The following BMP5 variants were observed in gnomAD, a reference collection of about 807,000 sequenced individuals.
BMP5 encodes the protein bone morphogenetic protein 5.
In BMP5, 23 loss-of-function variants were observed where a neutral mutation model predicts 46.6. The ratio of observed to expected loss-of-function variants is 0.49; its 90% CI spans 0.35 to 0.70. The LOEUF (loss-of-function observed/expected upper bound fraction) is 0.70, where lower values mean the gene tolerates loss of function less well. Ranked by LOEUF, BMP5 falls within the 30% of genes least tolerant of loss-of-function variation. BMP5 has a pLI of 0.00. For missense variants in BMP5, 545 were observed against 565.6 expected, an observed-to-expected ratio of 0.96 and a Z score of 0.37; for synonymous variants, 204 against 191.9, an observed-to-expected ratio of 1.06 and a Z score of -0.52.
intron 3 of BMP5, among the ~76,000 whole-genome samples, chr6:55,790,701 T>C (rs959718764): frequency 1.3e-5 from 2 of 152,184 alleles, no homozygotes; most frequent in African/African-American, 4.8e-5. Context: ...TGAATTATCC[T>C]GCCCTCACCA....
chr6:55,817,157 G>A (rs1313792013), intron 2 of BMP5, among the ~76,000 whole-genome samples: 6 of 152,196 alleles, frequency 3.9e-5, no homozygotes, highest in African/African-American at 9.6e-5. Flanking sequence ...TGGTGGGACT[G>A]TAAACTAGTT....
At chr6:55,800,542 G>T (rs1775823329) in intron 2 of BMP5, among the ~76,000 whole-genome samples, 1 of 152,096 alleles carries the variant, frequency 6.6e-6, no homozygotes, top group Non-Finnish European at 1.5e-5. Context: ...GATATATAAG[G>T]GATGTGAACA....
chr6:55,819,982 A>G, intron 1 of BMP5, 135 bp from the exon 2 acceptor site: 1 of 765,488 alleles, frequency 1.3e-6, no homozygotes, highest in Non-Finnish European at 2.1e-6. Context: ...CTAAAACCAC[A>G]AACTGAAACG....
At chr6:55,815,363 G>T (rs1776234357) in intron 2 of BMP5, among the ~76,000 whole-genome samples, 1 of 152,044 alleles carries the variant, frequency 6.6e-6, no homozygotes, top group Non-Finnish European at 1.5e-5. Flanking sequence ...AATTAAGATT[G>T]AATTGAATTT....
At chr6:55,767,128 G>A (rs931083669) in intron 4 of BMP5, among the ~76,000 whole-genome samples, 109 of 151,988 alleles carry the variant, frequency 7.2e-4, no homozygotes, top group African/African-American at 2.5e-3. Flanking sequence ...ATGTCTATTG[G>A]CAAGTCTTTT....
chr6:55,800,287 G>A (rs1438934094), intron 2 of BMP5, among the ~76,000 whole-genome samples: 1 of 152,174 alleles, frequency 6.6e-6, no homozygotes, highest in Non-Finnish European at 1.5e-5. Context: ...TGTTTTGAGA[G>A]TGAAACAAGG....
At chr6:55,801,467 T>A (rs1775847836) in intron 2 of BMP5, among the ~76,000 whole-genome samples, 3 of 152,232 alleles carry the variant, frequency 2.0e-5, no homozygotes. Context: ...TTTGTCCTCA[T>A]GGGTTCCAGA....
rs374089099 is a variant in BMP5 at position 55,847,203 on chromosome 6, A to G, written c.490+27173T>C. Among the ~76,000 whole-genome samples, 9 of 152,088 alleles carry G rather than the reference A, an allele frequency of 5.9e-5. No individual in the cohort carries two copies. In the East Asian group the frequency reaches 1.5e-3, roughly 26 times the overall value. ...CTGAAATTCAAAGTCATTGCATTCC[A>G]TAATACATTAAAGCCCCTGTGGTCA... is the stretch of plus-strand genomic sequence containing the variant. On this transcript the variant is annotated intron_variant, in intron 1 of 6. Coordinates refer to ENST00000370830, the MANE Select transcript of BMP5 (RefSeq NM_021073.4).
intron 1 of BMP5, among the ~76,000 whole-genome samples, chr6:55,861,385 A>C (rs1399957543): frequency 6.6e-6 from 1 of 152,176 alleles, no homozygotes; most frequent in Non-Finnish European, 1.5e-5. Flanking sequence ...TCCAATCTCC[A>C]ACCCTTCTTT....
intron 4 of BMP5, among the ~76,000 whole-genome samples, chr6:55,763,377 T>C (rs1774832815): frequency 6.6e-6 from 1 of 152,122 alleles, no homozygotes; most frequent in African/African-American, 2.4e-5. Flanking sequence ...TAACAAGCAA[T>C]GAAATGTATA....
At chr6:55,760,641 T>C (rs1017827549) in intron 4 of BMP5, 108 bp from the exon 5 acceptor site, 1 of 955,028 alleles carries the variant, frequency 1.0e-6, no homozygotes, top group Non-Finnish European at 1.6e-6. Flanking sequence ...TTTGAAGTTG[T>C]GGAAAAATGA....
At chr6:55,790,828 G>A (rs1775558493) in intron 3 of BMP5, among the ~76,000 whole-genome samples, 1 of 152,102 alleles carries the variant, frequency 6.6e-6, no homozygotes, top group African/African-American at 2.4e-5. Context: ...CATCCCAGGT[G>A]TCTTTAGCCA....
chr6:55,800,306 A>G (rs147150645), intron 2 of BMP5, among the ~76,000 whole-genome samples: 1 of 152,352 alleles, frequency 6.6e-6, no homozygotes, highest in Non-Finnish European at 1.5e-5. Flanking sequence ...GGAATACTAT[A>G]TTAATCATTT....
At chr6:55,763,953 G>C (rs77358222) in intron 4 of BMP5, among the ~76,000 whole-genome samples, 1 of 152,010 alleles carries the variant, frequency 6.6e-6, no homozygotes, top group Non-Finnish European at 1.5e-5. Flanking sequence ...AAATAAATAC[G>C]TGGAGGTAAA....
At chr6:55,816,032 A>G (rs921971756) in intron 2 of BMP5, among the ~76,000 whole-genome samples, 1 of 152,134 alleles carries the variant, frequency 6.6e-6, no homozygotes, top group African/African-American at 2.4e-5. Context: ...AAAATTCTGC[A>G]ATTAAATACA....
At chr6:55,859,941 G>C (rs916324487) in intron 1 of BMP5, among the ~76,000 whole-genome samples, 1 of 152,168 alleles carries the variant, frequency 6.6e-6, no homozygotes, top group African/African-American at 2.4e-5. Flanking sequence ...TCTTTGCATA[G>C]TTCAAATTTA....
intron 3 of BMP5, 38 bp downstream of exon 3, chr6:55,794,241 C>T (rs1775650773): frequency 1.2e-6 from 2 of 1,611,464 alleles, no homozygotes; most frequent in Admixed American, 1.7e-5. Flanking sequence ...ATGTGTCAAA[C>T]AAGCTTCACA....
intron 6 of BMP5, 78 bp from the exon 7 acceptor site, chr6:55,755,760 T>TGATAAAA: frequency 7.3e-7 from 1 of 1,376,968 alleles, no homozygotes; most frequent in Non-Finnish European, 1.0e-6. Context: ...GTATGATTAT[T>TGATAAAA]TTATCACTCA....
At chr6:55,758,020 T>A (rs1177856240) in intron 6 of BMP5, among the ~76,000 whole-genome samples, 1 of 151,636 alleles carries the variant, frequency 6.6e-6, no homozygotes, top group East Asian at 1.9e-4. Flanking sequence ...TTATGGAGAG[T>A]CGAATCTTCA....
Sources: allele counts gnomAD v4.1 joint callset (sites outside exome capture counted in the v4.1 genomes callset), GRCh38; gene constraint gnomAD v4.1.1; transcripts MANE v1.5; gene names NCBI Gene and HGNC (gene_info 2026-07-23, HGNC 2026-07-21).